Variants in SPSB1 observed in about 807,000 individuals in gnomAD.
SPSB1 encodes the protein SPRY domain-containing SOCS box protein 1.
SPSB1 carries 8 observed loss-of-function variants against 21.2 expected under a neutral mutation model. The observed-to-expected ratio is 0.38, with a 90% CI of 0.22 to 0.68. The LOEUF (loss-of-function observed/expected upper bound fraction) is 0.68. Among genes scored for constraint, SPSB1 ranks in the 30% least tolerant of loss-of-function variants. The probability of loss-of-function intolerance (pLI) is 0.53; values close to 1 mark genes in which losing one functional copy is unlikely to be tolerated. For synonymous variants in SPSB1, 169 were observed against 161.7 expected (o/e 1.05, Z -0.34); for missense variants, 242 against 377.8 (o/e 0.64, Z 2.98).
In SPSB1 at chr1:9,332,188, CA is replaced by C. The variant is rs36047874; in HGVS notation, c.-149-23540del. On this transcript the variant is annotated intron_variant, in intron 1 of 2. Coordinates refer to ENST00000328089, the MANE Select transcript of SPSB1 (RefSeq NM_025106.4). ...CAACATAGTGAGACCCCACCTCTAC[CA>C]AAAAAAAAAAAAAATCTCAATGAGA... Among the ~76,000 whole-genome samples the C allele has an allele frequency of 5.4e-3, 753 of 139,410 alleles. 2 individuals are homozygous for C. Among genetic ancestry groups the C allele is most frequent in the African/African-American group, 9.8e-3 (365 of 37,142 alleles). 91.5% of individuals were successfully genotyped at this position (139,410 alleles called of 152,430 possible). A position where few individuals can be genotyped will look rare whatever the true frequency, so the allele number is the denominator to read the frequency against.
chr1:9,300,770 C>G (rs1034313090), intron 1 of SPSB1, among the ~76,000 whole-genome samples: 2 of 152,186 alleles, frequency 1.3e-5, no homozygotes, highest in African/African-American at 4.8e-5. Context: ...CCTGAAGGCA[C>G]AAGTAAGTGA....
chr1:9,344,505 C>T (rs1046307345), intron 1 of SPSB1, among the ~76,000 whole-genome samples: 6 of 152,210 alleles, frequency 3.9e-5, no homozygotes, highest in African/African-American at 1.4e-4. Context: ...TGGCTGAGCG[C>T]TCTCCTGCAC....
At position 9,356,356 on chromosome 1, in the gene SPSB1, C is replaced by G. The variant is rs1400242367; in HGVS notation, c.465C>G (p.Asn155Lys). Reference sequence around the variant, plus strand: ...ACCGGCTCTACCACGATGGCAAGAACCAGCCAAGCAAAACATACCCAGCCT... The same window carrying G: ...ACCGGCTCTACCACGATGGCAAGAAGCAGCCAAGCAAAACATACCCAGCCT... Reference protein sequence around the residue: ...GRNRLYHDGKNQPSKTYPAFL... With the variant: ...GRNRLYHDGKKQPSKTYPAFL... The change falls in exon 2 of 3, where the codon AAC becomes AAG. Residue 155 changes from asparagine to lysine, a missense_variant. Coordinates refer to ENST00000328089, the MANE Select transcript of SPSB1 (RefSeq NM_025106.4). The surrounding 1 kb of genome is among the most constrained non-coding windows in gnomAD (Gnocchi z 7.4). 2 of 1,613,962 alleles carry G rather than the reference C, an allele frequency of 1.2e-6. No homozygotes were observed. Among genetic ancestry groups the G allele is most frequent in the Admixed American group, 3.3e-5 (2 of 60,000 alleles).
Position 9,296,594 on chromosome 1 carries a change from A to ACACACATACACAAACATGTGCATG in SPSB1, c.-150+3533_-150+3534insCAAACATGTGCATGCACACATACA, listed in dbSNP as rs111651835. Among the ~76,000 whole-genome samples, 597 of 152,088 alleles carry ACACACATACACAAACATGTGCATG rather than the reference A, an allele frequency of 3.9e-3. 2 individuals carry two copies. Among genetic ancestry groups the ACACACATACACAAACATGTGCATG allele is most frequent in the Non-Finnish European group, 6.8e-3 (460 of 67,942 alleles). On this transcript the variant is annotated intron_variant, in intron 1 of 2. Coordinates refer to ENST00000328089, the MANE Select transcript of SPSB1 (RefSeq NM_025106.4). ...TCACAGAAGATGTGCACATGTGTAC[A>ACACACATACACAAACATGTGCATG]CACACATACATATGCACACACATAT...
chr1:9,368,755 A>G lies in SPSB1; in HGVS notation c.*1180A>G, dbSNP rs1459899042. ...AAGACCAGGAGCAGAGTCGAGCCTC[A>G]CAGAAGCCAGCGCGGGTCTCTGCTC... On this transcript the variant is annotated 3_prime_UTR_variant, in exon 3 of 3. Transcript: ENST00000328089. 6.6e-6 allele frequency: 1 copy of G among 151,668 alleles called. No homozygotes were observed. Among genetic ancestry groups the G allele is most frequent in the African/African-American group, 2.4e-5 (1 of 41,216 alleles). The allele number at this position is 151,668 out of a possible 1,614,324, so 9.4% of individuals were successfully genotyped here.
Position 9,368,088 on chromosome 1 carries a change from C to T in SPSB1, c.*513C>T, listed in dbSNP as rs1290009047. ...CAGATAAAGCTCAGGACGTCAAAAA[C>T]TCACCATGGACCCCAAGGCAGAAAC... On this transcript the variant is annotated 3_prime_UTR_variant, in exon 3 of 3. Coordinates refer to ENST00000328089, the MANE Select transcript of SPSB1 (RefSeq NM_025106.4). 1 of 161,362 alleles carries T rather than the reference C, an allele frequency of 6.2e-6. No homozygotes were observed. Among genetic ancestry groups the T allele is most frequent in the Non-Finnish European group, 1.4e-5 (1 of 72,542 alleles). 10.0% of individuals were successfully genotyped at this position (161,362 alleles called of 1,614,324 possible). A position where few individuals can be genotyped will look rare whatever the true frequency, so the allele number is the denominator to read the frequency against.
chr1:9,308,665 G>A (rs964150570), intron 1 of SPSB1, among the ~76,000 whole-genome samples: 1 of 152,190 alleles, frequency 6.6e-6, no homozygotes, highest in Non-Finnish European at 1.5e-5. Context: ...CTGTAGATGG[G>A]TTTTTAACCC....
rs115461495 is a variant in SPSB1, at chr1:9,344,575, G to A, written c.-149-11168G>A. Among the ~76,000 whole-genome samples the A allele has an allele frequency of 5.3e-3, 804 of 152,284 alleles. 9 individuals carry two copies. The highest frequency in any genetic ancestry group is 0.019 in the African/African-American group (773 of 41,556). On this transcript the variant is annotated intron_variant, in intron 1 of 2. Transcript: ENST00000328089. ...CTGATAGCCTCAGGTGTTGAGAGGC[G>A]GCAGGAGGAGGGCAGGGAGCAGCAT...
In SPSB1 at chr1:9,315,804, G is replaced by A. The variant is rs191139379; in HGVS notation, c.-150+22733G>A. Among the ~76,000 whole-genome samples, 28 of 152,322 alleles carry A rather than the reference G, an allele frequency of 1.8e-4. 1 individual carries two copies. The East Asian group carries it at 4.0e-3, about 22-fold the overall frequency. ...TTGCTGACTAATTCTCTTTGCAAAC[G>A]GTTCAGTTTCACATGCTTGAGTTTC... On this transcript the variant is annotated intron_variant, in intron 1 of 2. Transcript: ENST00000328089.
At chr1:9,349,978 G>A (rs1390449466) in intron 1 of SPSB1, among the ~76,000 whole-genome samples, 1 of 151,840 alleles carries the variant, frequency 6.6e-6, no homozygotes, top group Non-Finnish European at 1.5e-5. Context: ...GACACAGGCA[G>A]ACACGACACA....
chr1:9,367,495 G>T lies in SPSB1; in HGVS notation c.742G>T (p.Ala248Ser), dbSNP rs1640596677. 6.8e-6 allele frequency: 11 copies of T among 1,612,822 alleles called. No individual in the cohort carries two copies. The highest frequency in any genetic ancestry group is 8.5e-6 in the Non-Finnish European group (10 of 1,179,676). The change falls in exon 3 of 3, where the codon GCC becomes TCC. Residue 248 changes from alanine (A) to serine (S), a missense_variant. Coordinates refer to ENST00000328089, the MANE Select transcript of SPSB1 (RefSeq NM_025106.4). The surrounding 1 kb of genome is among the most constrained non-coding windows in gnomAD (Gnocchi z 5.9). ...MDLCRRSVRL[A>S]LGRERLGEIH... ...TTTGTGCCGTCGCTCGGTGCGCCTGGCCCTGGGGAGGGAGCGCCTGGGGGA... is the reference window on the plus strand; with the variant it reads ...TTTGTGCCGTCGCTCGGTGCGCCTGTCCCTGGGGAGGGAGCGCCTGGGGGA...
At chr1:9,328,881 C>T (rs2100490507) in intron 1 of SPSB1, among the ~76,000 whole-genome samples, 1 of 152,360 alleles carries the variant, frequency 6.6e-6, no homozygotes, top group Admixed American at 6.5e-5. Context: ...GGCCCCCACC[C>T]ACCAGACGCC....
chr1:9,321,530 A>G lies in SPSB1; in HGVS notation c.-150+28459A>G, dbSNP rs545655091. On this transcript the variant is annotated intron_variant, in intron 1 of 2. Transcript: ENST00000328089. The surrounding 1 kb of genome is among the most constrained non-coding windows in gnomAD (Gnocchi z 4.8). ...AACACTTACTGCGTGCCAAGGATTC[A>G]GCTCAGAACGGGGAAGAGGGTGTTT... is the stretch of plus-strand genomic sequence containing the variant. 4.6e-5 allele frequency among the ~76,000 whole-genome samples: 7 copies of G among 152,324 alleles called. No homozygotes were observed. The South Asian group carries it at 1.5e-3, about 32-fold the overall frequency.
At chr1:9,365,565 TGGTGA>T (rs58811152) in intron 2 of SPSB1, among the ~76,000 whole-genome samples, 26,636 of 152,092 alleles carry the variant, frequency 0.18, 2,381 homozygotes, top group East Asian at 0.3. Flanking sequence ...GCCTCTTGCG[TGGTGA>T]GATGTAGGAA....
At chr1:9,311,890 T>G (rs779308142) in intron 1 of SPSB1, among the ~76,000 whole-genome samples, 1 of 152,210 alleles carries the variant, frequency 6.6e-6, no homozygotes, top group Non-Finnish European at 1.5e-5. Flanking sequence ...ATGAAATAGC[T>G]ATGCTCAGAC....
intron 1 of SPSB1, among the ~76,000 whole-genome samples, chr1:9,328,221 C>T (rs991670428): frequency 2.0e-5 from 3 of 152,182 alleles, no homozygotes; most frequent in African/African-American, 7.2e-5. Flanking sequence ...AGGGCCTGGC[C>T]CATCAATGGA....
At chr1:9,365,993 C>A (rs371952034) in intron 2 of SPSB1, among the ~76,000 whole-genome samples, 6 of 152,260 alleles carry the variant, frequency 3.9e-5, no homozygotes, top group Admixed American at 2.0e-4. Flanking sequence ...AGCCTTCCAA[C>A]GCTCAGAAGC....
intron 1 of SPSB1, among the ~76,000 whole-genome samples, chr1:9,300,584 C>A (rs1306290258): frequency 6.6e-6 from 1 of 152,194 alleles, no homozygotes; most frequent in African/African-American, 2.4e-5. Flanking sequence ...TAATACTGGA[C>A]CCTAGTAGAG....
At chr1:9,340,827 G>A (rs559486055) in intron 1 of SPSB1, among the ~76,000 whole-genome samples, 36 of 152,358 alleles carry the variant, frequency 2.4e-4, no homozygotes, top group African/African-American at 5.1e-4. Context: ...GTCTGATGTC[G>A]CGGAGCAGCT....
Sources: gnomAD v4.1 joint callset for allele counts (sites outside exome capture counted in the v4.1 genomes callset) on GRCh38, gnomAD v4.1.1 for gene constraint, Gnocchi (gnomAD v3.1) non-coding constraint, MANE v1.5 for transcripts, NCBI Gene and HGNC (gene_info 2026-07-23, HGNC 2026-07-21) for gene names.